Variants in PPP1R9A observed in about 807,000 individuals in gnomAD.
The protein encoded by PPP1R9A is neurabin-1.
A neutral mutation model predicts 141.9 loss-of-function variants in PPP1R9A; 59 were observed. That is an observed-to-expected ratio of 0.42 (90% CI 0.34 to 0.52). The LOEUF (loss-of-function observed/expected upper bound fraction) is 0.52. PPP1R9A is among the 20% of genes least tolerant of loss of function. The pLI is 0.10. For missense variants in PPP1R9A, 1,444 were observed against 1,611.9 expected (o/e 0.90, Z 1.78); for synonymous variants, 500 against 569.7 (o/e 0.88, Z 1.74).
intron 2 of PPP1R9A, among the ~76,000 whole-genome samples, chr7:95,002,306 A>G (rs745424119): frequency 1.3e-5 from 2 of 152,216 alleles, no homozygotes; most frequent in Non-Finnish European, 2.9e-5. Context: ...GATATGAACT[A>G]TATTTCATTT....
At chr7:95,043,875 A>G (rs1449042568) in intron 2 of PPP1R9A, among the ~76,000 whole-genome samples, 4 of 152,172 alleles carry the variant, frequency 2.6e-5, no homozygotes, top group Admixed American at 2.0e-4. Flanking sequence ...ACTCCATGCC[A>G]TTTGTTTTGT....
chr7:95,087,821 G>A (rs1396170907), intron 2 of PPP1R9A, among the ~76,000 whole-genome samples: 2 of 151,590 alleles, frequency 1.3e-5, no homozygotes, highest in Non-Finnish European at 2.9e-5. Flanking sequence ...CTTGATCCTG[G>A]GCGGCAGAGG....
At chr7:95,130,298 G>A (rs967654739) in intron 4 of PPP1R9A, among the ~76,000 whole-genome samples, 1 of 152,158 alleles carries the variant, frequency 6.6e-6, no homozygotes, top group Non-Finnish European at 1.5e-5. Flanking sequence ...GGCTTCAGAG[G>A]ATGCAAGCCC....
chr7:94,988,303 C>T (rs1801094950), intron 2 of PPP1R9A, among the ~76,000 whole-genome samples: 1 of 152,020 alleles, frequency 6.6e-6, no homozygotes, highest in African/African-American at 2.4e-5. Flanking sequence ...GACAATAGAT[C>T]CTCCATATCT....
intron 5 of PPP1R9A, among the ~76,000 whole-genome samples, chr7:95,193,615 T>C (rs1049539838): frequency 2.6e-5 from 4 of 152,062 alleles, no homozygotes; most frequent in South Asian, 2.1e-4. Flanking sequence ...GGATCTTTTT[T>C]TGAGGATAGG....
chr7:95,013,965 A>G (rs1039436332), intron 2 of PPP1R9A, among the ~76,000 whole-genome samples: 2 of 152,130 alleles, frequency 1.3e-5, no homozygotes, highest in African/African-American at 2.4e-5. Flanking sequence ...ACATTTTATC[A>G]TAGTTGTTTT....
chr7:94,961,737 G>A (rs943623387), intron 2 of PPP1R9A, among the ~76,000 whole-genome samples: 1 of 151,796 alleles, frequency 6.6e-6, no homozygotes, highest in African/African-American at 2.4e-5. Context: ...TAAAGTATTT[G>A]GAAAATGTTT....
chr7:95,003,990 C>T (rs1803281017), intron 2 of PPP1R9A, among the ~76,000 whole-genome samples: 2 of 152,108 alleles, frequency 1.3e-5, no homozygotes. Flanking sequence ...TACCAGAACA[C>T]ATGGGCCAGT....
rs1268434678 is a variant in PPP1R9A at position 94,911,020 on chromosome 7, C to A, written c.907C>A (p.Pro303Thr). 1 of 1,614,132 alleles carries A rather than the reference C, an allele frequency of 6.2e-7. No homozygotes were observed. The highest frequency in any genetic ancestry group is 1.7e-5 in the Admixed American group (1 of 60,024). The change falls in exon 2 of 20, where the codon CCC becomes ACC. Residue 303 changes from proline (P) to threonine (T), a missense_variant. Pro to Thr is a conservative substitution (Grantham distance 38). Coordinates refer to ENST00000433360, the MANE Select transcript of PPP1R9A (RefSeq NM_001166160.2). Reference protein sequence around the residue: ...PGEEIQQSKEPEDSTSNQQTP... With the variant: ...PGEEIQQSKETEDSTSNQQTP... ...TGAAGAGATCCAGCAGAGCAAGGAA[C>A]CCGAGGACTCCACATCTAATCAACA... is the stretch of plus-strand genomic sequence containing the variant.
At chr7:94,950,789 C>G (rs1350039501) in intron 2 of PPP1R9A, among the ~76,000 whole-genome samples, 1 of 152,084 alleles carries the variant, frequency 6.6e-6, no homozygotes, top group Non-Finnish European at 1.5e-5. Context: ...CTTTGTTACC[C>G]AGGCTGGAAT....
chr7:94,976,344 C>CT (rs11400551), intron 2 of PPP1R9A, among the ~76,000 whole-genome samples: 75,817 of 137,066 alleles, frequency 0.55, 21,424 homozygotes, highest in Middle Eastern at 0.65. Context: ...ATGTTTTATT[C>CT]TTTTTTTTTT....
chr7:95,243,636 A>G (rs188031892), intron 8 of PPP1R9A, among the ~76,000 whole-genome samples: 1 of 152,238 alleles, frequency 6.6e-6, no homozygotes, highest in East Asian at 1.9e-4. Flanking sequence ...GTTCAGTTAG[A>G]TACATGGTTA....
chr7:95,213,125 G>T (rs979367632), intron 7 of PPP1R9A, among the ~76,000 whole-genome samples: 1 of 151,812 alleles, frequency 6.6e-6, no homozygotes, highest in Non-Finnish European at 1.5e-5. Flanking sequence ...TCCCTTCTCT[G>T]CTTGTTTTTT....
intron 4 of PPP1R9A, among the ~76,000 whole-genome samples, chr7:95,130,528 G>A (rs564292520): frequency 6.6e-6 from 1 of 152,262 alleles, no homozygotes; most frequent in Admixed American, 6.5e-5. Context: ...TTCCTACTGG[G>A]GCACTGCCTA....
intron 2 of PPP1R9A, among the ~76,000 whole-genome samples, chr7:94,925,199 GA>G (rs1272036114): frequency 6.6e-6 from 1 of 152,094 alleles, no homozygotes; most frequent in East Asian, 1.9e-4. Flanking sequence ...CCTTTTGCTG[GA>G]AAATTTTTTT....
chr7:95,222,252 AT>A (rs914572793), intron 7 of PPP1R9A, among the ~76,000 whole-genome samples: 4 of 151,572 alleles, frequency 2.6e-5, no homozygotes, highest in Middle Eastern at 3.4e-3. Context: ...TATATTCCCA[AT>A]TTTTTTTTCT....
chr7:94,994,269 G>A (rs1267134528), intron 2 of PPP1R9A, among the ~76,000 whole-genome samples: 1 of 152,064 alleles, frequency 6.6e-6, no homozygotes, highest in African/African-American at 2.4e-5. Context: ...TTCCCGCTGG[G>A]TATAGGGCAG....
intron 2 of PPP1R9A, among the ~76,000 whole-genome samples, chr7:95,002,001 C>T (rs1440428485): frequency 3.3e-5 from 5 of 152,048 alleles, no homozygotes; most frequent in Admixed American, 3.3e-4. Flanking sequence ...TTTTAGAAAC[C>T]AGAATTTTGT....
chr7:95,175,003 C>G (rs900171960), intron 5 of PPP1R9A: 17 of 152,136 alleles, frequency 1.1e-4, no homozygotes, highest in African/African-American at 3.9e-4. Flanking sequence ...TCTGCCAGGC[C>G]TCTCACAACA....
Sources: gnomAD v4.1 joint callset for allele counts (sites outside exome capture counted in the v4.1 genomes callset) on GRCh38, gnomAD v4.1.1 for gene constraint, MANE v1.5 for transcripts, NCBI Gene and HGNC (gene_info 2026-07-23, HGNC 2026-07-21) for gene names.